Variants in MAN1A2 observed in about 807,000 individuals in gnomAD.
MAN1A2 encodes mannosidase alpha class 1A member 2, also known as mannosyl-oligosaccharide 1,2-alpha-mannosidase IB.
MAN1A2 carries 26 observed loss-of-function variants against 75.7 expected under a neutral mutation model. The observed-to-expected ratio is 0.34, with a 90% CI of 0.25 to 0.48. The LOEUF (loss-of-function observed/expected upper bound fraction) is 0.48, where lower values mean the gene tolerates loss of function less well. Ranked by LOEUF, MAN1A2 falls within the 20% of genes least tolerant of loss-of-function variation. The probability of loss-of-function intolerance (pLI) is 0.99; values close to 1 mark genes in which losing one functional copy is unlikely to be tolerated. For synonymous variants in MAN1A2, 247 were observed against 264.6 expected, an observed-to-expected ratio of 0.93 and a Z score of 0.65; for missense variants, 562 against 775.5, an observed-to-expected ratio of 0.72 and a Z score of 3.27.
At chr1:117,392,070 C>T (rs1194342394) in intron 1 of MAN1A2, among the ~76,000 whole-genome samples, 1 of 152,024 alleles carries the variant, frequency 6.6e-6, no homozygotes, top group East Asian at 1.9e-4. Context: ...AGCCTTATAT[C>T]CCCTCCCTTT....
intron 5 of MAN1A2, among the ~76,000 whole-genome samples, chr1:117,438,983 A>G (rs1648938416): frequency 6.6e-6 from 1 of 152,256 alleles, no homozygotes; most frequent in Non-Finnish European, 1.5e-5. Flanking sequence ...AATTTCAAAT[A>G]GGATGGTTAG....
At chr1:117,439,188 G>C (rs571212493) in intron 5 of MAN1A2, among the ~76,000 whole-genome samples, 2 of 152,308 alleles carry the variant, frequency 1.3e-5, no homozygotes, top group South Asian at 2.1e-4. Flanking sequence ...GTGAATGAAG[G>C]AGAGTGCATG....
chr1:117,445,552 GGTCTT>G (rs1290248912), intron 6 of MAN1A2, among the ~76,000 whole-genome samples: 1 of 151,158 alleles, frequency 6.6e-6, no homozygotes, highest in Non-Finnish European at 1.5e-5. Context: ...TTAGAGACAA[GGTCTT>G]GCGCTTTTGT....
intron 6 of MAN1A2, among the ~76,000 whole-genome samples, chr1:117,458,642 G>A (rs1231023306): frequency 6.6e-6 from 1 of 150,598 alleles, no homozygotes. Flanking sequence ...TCCTGCCTCA[G>A]CCTCCTGAGT....
At chr1:117,397,383 G>GCCCTCT (rs1653934118) in intron 1 of MAN1A2, among the ~76,000 whole-genome samples, 1 of 152,058 alleles carries the variant, frequency 6.6e-6, no homozygotes, top group Non-Finnish European at 1.5e-5. Context: ...CAAACATTTA[G>GCCCTCT]AGGGCTCAAT....
chr1:117,385,351 G>A (rs756595318), intron 1 of MAN1A2, among the ~76,000 whole-genome samples: 2 of 152,124 alleles, frequency 1.3e-5, no homozygotes, highest in Non-Finnish European at 2.9e-5. Flanking sequence ...ACCTATATAG[G>A]TGAGTTCCTT....
chr1:117,429,484 C>T lies in MAN1A2; in HGVS notation c.855+8835C>T, dbSNP rs7532632. 6.7e-3 allele frequency among the ~76,000 whole-genome samples: 382 copies of T among 56,636 alleles called. 1 individual carries two copies. The highest frequency in any genetic ancestry group is 8.8e-3 in the Admixed American group (53 of 5,994). The allele number at this position is 56,636 out of a possible 152,430, so 37.2% of individuals were successfully genotyped here. A position where few individuals can be genotyped will look rare whatever the true frequency, so the allele number is the denominator to read the frequency against. On this transcript the variant is annotated intron_variant, in intron 5 of 12. Transcript: ENST00000356554. Reference sequence around the variant, plus strand: ...GGGGGCGGCTGGCCGGGCGGGGGGCCGACACCCCCACCTCCCTCCCGGACG... The same window carrying T: ...GGGGGCGGCTGGCCGGGCGGGGGGCTGACACCCCCACCTCCCTCCCGGACG...
intron 1 of MAN1A2, among the ~76,000 whole-genome samples, chr1:117,390,760 C>G (rs756680064): frequency 1.3e-5 from 2 of 151,698 alleles, no homozygotes; most frequent in African/African-American, 4.8e-5. Flanking sequence ...CTATAATTCT[C>G]TCTTTAACTT....
At chr1:117,441,503 T>G (rs1409544238) in intron 5 of MAN1A2, among the ~76,000 whole-genome samples, 1 of 152,182 alleles carries the variant, frequency 6.6e-6, no homozygotes. Context: ...AGTCACAGTT[T>G]GGAATCTGTA....
In MAN1A2 at chr1:117,523,486, C is replaced by T. The variant is rs913554254; in HGVS notation, c.*529C>T. 1.7e-5 allele frequency: 4 copies of T among 230,226 alleles called. No homozygotes were observed. Among genetic ancestry groups the T allele is most frequent in the Non-Finnish European group, 3.5e-5 (4 of 112,712 alleles). The allele number at this position is 230,226 out of a possible 1,614,324, so 14.3% of individuals were successfully genotyped here. A position where few individuals can be genotyped will look rare whatever the true frequency, so the allele number is the denominator to read the frequency against. On this transcript the variant is annotated 3_prime_UTR_variant, in exon 13 of 13. Coordinates refer to ENST00000356554, the MANE Select transcript of MAN1A2 (RefSeq NM_006699.5). The stretch of plus-strand genomic sequence containing the variant: ...TAATTATATCAGTAACAAGAAGACT[C>T]AAAAAAGAAACAGGAGTACCTATCC...
intron 11 of MAN1A2, among the ~76,000 whole-genome samples, chr1:117,500,281 T>C (rs1395995892): frequency 2.0e-5 from 3 of 151,934 alleles, no homozygotes; most frequent in Non-Finnish European, 4.4e-5. Flanking sequence ...TCTTAGTTAC[T>C]TCTGTCAGCT....
At chr1:117,420,534 C>A in intron 4 of MAN1A2, 35 bp from the exon 5 acceptor site, 1 of 1,388,342 alleles carries the variant, frequency 7.2e-7, no homozygotes, top group Non-Finnish European at 1.0e-6. Flanking sequence ...TAAAGCATTA[C>A]GTATTTGTGA....
At chr1:117,499,893 A>T (rs1225104192) in intron 11 of MAN1A2, among the ~76,000 whole-genome samples, 1 of 151,512 alleles carries the variant, frequency 6.6e-6, no homozygotes, top group Non-Finnish European at 1.5e-5. Flanking sequence ...AAAAACTATT[A>T]GTCTTTTATG....
At chr1:117,426,252 T>G (rs1648370090) in intron 5 of MAN1A2, among the ~76,000 whole-genome samples, 1 of 152,086 alleles carries the variant, frequency 6.6e-6, no homozygotes, top group South Asian at 2.1e-4. Flanking sequence ...AATTTTCTGT[T>G]TATATTTTGT....
At chr1:117,414,129 A>C (rs1647911057) in intron 3 of MAN1A2, among the ~76,000 whole-genome samples, 1 of 150,098 alleles carries the variant, frequency 6.7e-6, no homozygotes, top group Admixed American at 6.6e-5. Flanking sequence ...TTCTCTACTC[A>C]TATTTTGTTT....
At chr1:117,509,677 T>C (rs1294605303) in intron 12 of MAN1A2, among the ~76,000 whole-genome samples, 1 of 151,968 alleles carries the variant, frequency 6.6e-6, no homozygotes, top group African/African-American at 2.4e-5. Flanking sequence ...GCACTTGTCA[T>C]ATTAAAATCA....
chr1:117,487,223 G>C (rs1168423791), intron 8 of MAN1A2, among the ~76,000 whole-genome samples: 14 of 152,036 alleles, frequency 9.2e-5, no homozygotes, highest in African/African-American at 9.7e-5. Flanking sequence ...ATGTGATTCA[G>C]TAAAACAGGT....
intron 6 of MAN1A2, among the ~76,000 whole-genome samples, chr1:117,446,765 G>C (rs544042092): frequency 1.8e-4 from 28 of 151,908 alleles, no homozygotes; most frequent in African/African-American, 6.0e-4. Context: ...ATAACATTCT[G>C]TATATATCAG....
In MAN1A2 at chr1:117,525,158, G is replaced by A. The variant is rs767719565; in HGVS notation, c.*2201G>A. On this transcript the variant is annotated 3_prime_UTR_variant, in exon 13 of 13. Coordinates refer to ENST00000356554, the MANE Select transcript of MAN1A2 (RefSeq NM_006699.5). The stretch of plus-strand genomic sequence containing the variant: ...CTCTATTTGTATTACCCAGATGACT[G>A]AAGCTTAAGAGAAGGCAGGGAAGTA... 2.9e-5 allele frequency: 15 copies of A among 525,006 alleles called. No individual in the cohort carries two copies. The highest frequency in any genetic ancestry group is 1.7e-4 in the South Asian group (12 of 69,436). The allele number at this position is 525,006 out of a possible 1,614,324, so 32.5% of individuals were successfully genotyped here.
Sources: gnomAD v4.1 joint callset for allele counts (sites outside exome capture counted in the v4.1 genomes callset) on GRCh38, gnomAD v4.1.1 for gene constraint, MANE v1.5 for transcripts, NCBI Gene and HGNC (gene_info 2026-07-23, HGNC 2026-07-21) for gene names.